WWOX: variants seen among roughly 807,000 people sequenced by gnomAD.
The protein encoded by WWOX is WW domain containing oxidoreductase, also known as WW domain-containing oxidoreductase.
In WWOX, 69 loss-of-function variants were observed where a neutral mutation model predicts 46.2. The observed-to-expected ratio is 1.49, with a 90% CI of 1.23 to 1.82. The LOEUF (loss-of-function observed/expected upper bound fraction) is 1.82. Ranked by LOEUF, WWOX falls within the 40% of genes most tolerant of loss-of-function variation. WWOX has a pLI of 0.00. For synonymous variants in WWOX, 359 were observed against 202.6 expected, an observed-to-expected ratio of 1.77 and a Z score of -6.56; for missense variants, 919 against 542.6, an observed-to-expected ratio of 1.69 and a Z score of -6.89.
At chr16:79,037,590 A>T (rs1228235799) in intron 8 of WWOX, among the ~76,000 whole-genome samples, 1 of 152,108 alleles carries the variant, frequency 6.6e-6, no homozygotes, top group Non-Finnish European at 1.5e-5. Context: ...CTACAACTGC[A>T]CCCTGCTACC....
intron 8 of WWOX, among the ~76,000 whole-genome samples, chr16:78,938,886 A>G (rs1049964844): frequency 1.3e-5 from 2 of 152,200 alleles, no homozygotes; most frequent in Non-Finnish European, 2.9e-5. Flanking sequence ...AGGGCCAGCC[A>G]CGTGGGTACT....
intron 8 of WWOX, among the ~76,000 whole-genome samples, chr16:79,013,797 A>G (rs576614929): frequency 3.0e-4 from 46 of 152,106 alleles, no homozygotes; most frequent in African/African-American, 8.4e-4. Flanking sequence ...TTTTAGCCCA[A>G]TTGCCTCCTA....
At chr16:78,918,996 A>G (rs2045315112) in intron 8 of WWOX, among the ~76,000 whole-genome samples, 3 of 152,148 alleles carry the variant, frequency 2.0e-5, no homozygotes, top group African/African-American at 7.2e-5. Context: ...TTCAGGTGGA[A>G]ATACAGTCGT....
At chr16:78,655,191 A>C (rs1026739945) in intron 8 of WWOX, among the ~76,000 whole-genome samples, 2 of 152,086 alleles carry the variant, frequency 1.3e-5, no homozygotes, top group African/African-American at 2.4e-5. Context: ...CTGAGAGTGA[A>C]ACTGAGGTCT....
intron 8 of WWOX, among the ~76,000 whole-genome samples, chr16:78,453,570 A>T (rs1349616125): frequency 1.3e-5 from 2 of 152,196 alleles, no homozygotes; most frequent in South Asian, 4.1e-4. Flanking sequence ...AGACAGGCAT[A>T]TGCAGTTAGA....
At chr16:78,455,387 T>A (rs144372846) in intron 8 of WWOX, among the ~76,000 whole-genome samples, 82 of 152,178 alleles carry the variant, frequency 5.4e-4, no homozygotes, top group African/African-American at 1.9e-3. Flanking sequence ...ATGCCTGTGA[T>A]TCCAGCATTT....
chr16:78,398,319 C>T (rs766169654), intron 6 of WWOX, among the ~76,000 whole-genome samples: 12 of 152,148 alleles, frequency 7.9e-5, no homozygotes, highest in East Asian at 5.8e-4. Flanking sequence ...TTCTCTGCTC[C>T]GCTGCTTATG....
In WWOX at chr16:78,865,017, C is replaced by G. The variant is rs181016593; in HGVS notation, c.1057-346591C>G. 4.3e-3 allele frequency among the ~76,000 whole-genome samples: 657 copies of G among 152,126 alleles called. 13 individuals are homozygous for G. The highest frequency in any genetic ancestry group is 0.015 in the African/African-American group (637 of 41,514). On this transcript the variant is annotated intron_variant, in intron 8 of 8. Coordinates refer to ENST00000566780, the MANE Select transcript of WWOX (RefSeq NM_016373.4). Reference sequence around the variant, plus strand: ...ACCTCAAGTGATCCACCCATCTTGGCCTCCCAAAGTGCTGTGATTACAGGC... The same window carrying G: ...ACCTCAAGTGATCCACCCATCTTGGGCTCCCAAAGTGCTGTGATTACAGGC...
At chr16:78,400,324 C>CT (rs775065242) in intron 6 of WWOX, among the ~76,000 whole-genome samples, 6 of 152,250 alleles carry the variant, frequency 3.9e-5, no homozygotes, top group Non-Finnish European at 8.8e-5. Flanking sequence ...ATGCACCAGG[C>CT]TAATAGAAAA....
chr16:78,579,960 G>T (rs1343702678), intron 8 of WWOX, among the ~76,000 whole-genome samples: 2 of 152,180 alleles, frequency 1.3e-5, no homozygotes, highest in Admixed American at 6.5e-5. Context: ...CTGTGAGGGA[G>T]TCTTCTGAGT....
At chr16:78,212,514 A>G (rs908081846) in intron 5 of WWOX, among the ~76,000 whole-genome samples, 1 of 152,214 alleles carries the variant, frequency 6.6e-6, no homozygotes, top group Admixed American at 6.5e-5. Context: ...ATGAGGACTG[A>G]TAGATGGGCT....
chr16:79,116,725 T>C (rs2049523266), intron 8 of WWOX, among the ~76,000 whole-genome samples: 1 of 152,064 alleles, frequency 6.6e-6, no homozygotes, highest in African/African-American at 2.4e-5. Context: ...AATAAACTTC[T>C]TCCAAACTCT....
intron 8 of WWOX, among the ~76,000 whole-genome samples, chr16:78,698,017 A>G (rs1052948442): frequency 6.6e-6 from 1 of 152,212 alleles, no homozygotes; most frequent in Admixed American, 6.5e-5. Flanking sequence ...GTCAAGATAT[A>G]CTATGTGTTT....
chr16:78,319,363 C>T (rs539856939), intron 5 of WWOX, among the ~76,000 whole-genome samples: 2 of 152,140 alleles, frequency 1.3e-5, no homozygotes, highest in African/African-American at 2.4e-5. Flanking sequence ...TGGCTCACTG[C>T]GATCCTCCCA....
At chr16:78,752,141 G>C (rs1261264411) in intron 8 of WWOX, among the ~76,000 whole-genome samples, 2 of 152,202 alleles carry the variant, frequency 1.3e-5, no homozygotes, top group African/African-American at 4.8e-5. Context: ...AGTATCTCTT[G>C]TACAATGTCT....
intron 8 of WWOX, among the ~76,000 whole-genome samples, chr16:78,719,048 G>A (rs1446085501): frequency 1.3e-5 from 2 of 152,138 alleles, no homozygotes; most frequent in African/African-American, 4.8e-5. Flanking sequence ...GTAGAACTTA[G>A]TTCCAACAGA....
intron 8 of WWOX, among the ~76,000 whole-genome samples, chr16:78,949,388 G>A (rs1482784023): frequency 6.6e-6 from 1 of 152,090 alleles, no homozygotes; most frequent in Non-Finnish European, 1.5e-5. Context: ...CCACAGGGTG[G>A]GGCTCAACCA....
chr16:78,707,626 T>A (rs934214063), intron 8 of WWOX, among the ~76,000 whole-genome samples: 3 of 152,154 alleles, frequency 2.0e-5, no homozygotes, highest in South Asian at 2.1e-4. Context: ...CTCATGCCTG[T>A]AATCCCAGGG....
At chr16:78,771,725 T>G (rs2050068841) in intron 8 of WWOX, among the ~76,000 whole-genome samples, 1 of 152,014 alleles carries the variant, frequency 6.6e-6, no homozygotes, top group Non-Finnish European at 1.5e-5. Context: ...TGAGCCAAGA[T>G]TGTGCCACTG....
Sources: allele counts gnomAD v4.1 joint callset (sites outside exome capture counted in the v4.1 genomes callset), GRCh38; gene constraint gnomAD v4.1.1; transcripts MANE v1.5; gene names NCBI Gene and HGNC (gene_info 2026-07-23, HGNC 2026-07-21).